DMRT1: variants seen among roughly 807,000 people sequenced by gnomAD.
DMRT1 encodes doublesex and mab-3 related transcription factor 1, also known as doublesex- and mab-3-related transcription factor 1.
Under a neutral mutation model 32.3 loss-of-function variants are expected in DMRT1, and 7 were observed. The ratio of observed to expected loss-of-function variants is 0.22; its 90% CI spans 0.12 to 0.41. The LOEUF (loss-of-function observed/expected upper bound fraction) is 0.41. Among genes scored for constraint, DMRT1 ranks in the 10% least tolerant of loss-of-function variants. DMRT1 has a pLI of 1.00. For synonymous variants in DMRT1, 278 were observed against 206.1 expected (o/e 1.35, Z -2.99); for missense variants, 625 against 500.5 (o/e 1.25, Z -2.37).
In DMRT1 at chr9:841,793, A is replaced by G; in HGVS notation, c.-46A>G. 2 of 1,572,416 alleles carry G rather than the reference A, an allele frequency of 1.3e-6. No individual in the cohort carries two copies. Among genetic ancestry groups the G allele is most frequent in the African/African-American group, 2.7e-5 (2 of 74,120 alleles). ...GGGTTCATCCCTCGCAGCAGTCTCC[A>G]GGCGAGAGAGGGGGCCAGAGTGCTC... On this transcript the variant is annotated 5_prime_UTR_variant, in exon 1 of 5. Coordinates refer to ENST00000382276, the MANE Select transcript of DMRT1 (RefSeq NM_021951.3).
chr9:852,927 T>C (rs1326371390), intron 2 of DMRT1, among the ~76,000 whole-genome samples: 2 of 152,210 alleles, frequency 1.3e-5, no homozygotes, highest in African/African-American at 2.4e-5. Context: ...CACACGCCAG[T>C]TGGGAAACAC....
rs779562277 is a variant in DMRT1, at chr9:916,818, A to T, written c.878A>T (p.Tyr293Phe). The change falls in exon 4 of 5, where the codon TAC becomes TTC. Residue 293 changes from tyrosine to phenylalanine, a missense_variant. Tyr to Phe is a conservative substitution (Grantham distance 22). Transcript: ENST00000382276. ...AMSSQYRMHS[Y>F]YPPPSYLGQS... ...AGCTCCCAGTACAGGATGCATTCTT[A>T]CTACCCGCCTCCCTCTTACCTGGGC... The T allele has an allele frequency of 1.2e-5, 20 of 1,614,200 alleles. No individual in the cohort carries two copies. In the South Asian group the frequency reaches 1.9e-4, roughly 15 times the overall value.
chr9:945,212 G>T (rs1175364927), intron 4 of DMRT1, among the ~76,000 whole-genome samples: 1 of 152,028 alleles, frequency 6.6e-6, no homozygotes, highest in Non-Finnish European at 1.5e-5. Flanking sequence ...GGAGTCCAAT[G>T]GCTCAATCTC....
chr9:889,866 T>C (rs1817072615), intron 2 of DMRT1, among the ~76,000 whole-genome samples: 1 of 152,212 alleles, frequency 6.6e-6, no homozygotes. Context: ...GTGTCTAAAA[T>C]GCCTTCCTAA....
chr9:858,890 T>C (rs1380762622), intron 2 of DMRT1, among the ~76,000 whole-genome samples: 1 of 149,332 alleles, frequency 6.7e-6, no homozygotes, highest in East Asian at 1.9e-4. Context: ...TATATATATA[T>C]ATATTTATCA....
At chr9:866,267 C>T in intron 2 of DMRT1, among the ~76,000 whole-genome samples, 1 of 150,108 alleles carries the variant, frequency 6.7e-6, no homozygotes, top group Non-Finnish European at 1.5e-5. Flanking sequence ...ACAGGTAAAG[C>T]ACCATCAATG....
At chr9:942,735 T>C (rs1159505237) in intron 4 of DMRT1, among the ~76,000 whole-genome samples, 1 of 152,214 alleles carries the variant, frequency 6.6e-6, no homozygotes, top group Non-Finnish European at 1.5e-5. Flanking sequence ...GTTGGTTTTA[T>C]TGGTGATTTC....
At chr9:928,809 T>C (rs1000820183) in intron 4 of DMRT1, among the ~76,000 whole-genome samples, 1 of 151,974 alleles carries the variant, frequency 6.6e-6, no homozygotes, top group African/African-American at 2.4e-5. Flanking sequence ...ACTAAAATTA[T>C]TTGTTTCTGA....
Position 949,607 on chromosome 9 carries a change from C to G in DMRT1, c.968-18378C>G, listed in dbSNP as rs112941298. Among the ~76,000 whole-genome samples, 406 of 152,302 alleles carry G rather than the reference C, an allele frequency of 2.7e-3. 5 individuals are homozygous for G. The highest frequency in any genetic ancestry group is 1.1e-3 in the Non-Finnish European group (78 of 68,034). ...CTTGACATAAGACCTACCCTCTTAG[C>G]AAGTTTTTAAGCATAAAATACAGTA... On this transcript the variant is annotated intron_variant, in intron 4 of 4. Coordinates refer to ENST00000382276, the MANE Select transcript of DMRT1 (RefSeq NM_021951.3).
chr9:866,378 C>G (rs1476551086), intron 2 of DMRT1, among the ~76,000 whole-genome samples: 6 of 152,080 alleles, frequency 3.9e-5, no homozygotes, highest in Admixed American at 3.9e-4. Flanking sequence ...ATATTTCAGA[C>G]CCCTTGACGT....
At chr9:905,639 C>T (rs998401449) in intron 3 of DMRT1, among the ~76,000 whole-genome samples, 6 of 152,100 alleles carry the variant, frequency 3.9e-5, no homozygotes, top group African/African-American at 1.4e-4. Context: ...CATTGCGGTG[C>T]CCCGTTCTCC....
chr9:870,993 C>A (rs897422242), intron 2 of DMRT1, among the ~76,000 whole-genome samples: 5 of 151,618 alleles, frequency 3.3e-5, no homozygotes, highest in Admixed American at 6.6e-5. Context: ...CAGTTGTGAG[C>A]CATTGTGCCC....
intron 4 of DMRT1, among the ~76,000 whole-genome samples, chr9:937,019 C>T (rs981184826): frequency 6.6e-6 from 1 of 152,224 alleles, no homozygotes; most frequent in Non-Finnish European, 1.5e-5. Flanking sequence ...TTCCTCCTGC[C>T]CCTGGTAATC....
chr9:948,954 G>A lies in DMRT1; in HGVS notation c.968-19031G>A, dbSNP rs192270443. The stretch of plus-strand genomic sequence containing the variant: ...ATAATAATAATAATAATAGCCGGGC[G>A]TGGTGGTGGGTGCCTGTACTTCCAG... On this transcript the variant is annotated intron_variant, in intron 4 of 4. Coordinates refer to ENST00000382276, the MANE Select transcript of DMRT1 (RefSeq NM_021951.3). Among the ~76,000 whole-genome samples, 391 of 150,990 alleles carry A rather than the reference G, an allele frequency of 2.6e-3. 1 individual carries two copies. The highest frequency in any genetic ancestry group is 8.9e-3 in the African/African-American group (365 of 41,136).
chr9:874,615 T>A (rs778274311), intron 2 of DMRT1, among the ~76,000 whole-genome samples: 20 of 152,040 alleles, frequency 1.3e-4, no homozygotes, highest in Non-Finnish European at 2.2e-4. Flanking sequence ...TGAAAGGAAT[T>A]TGGAACAAAG....
chr9:869,730 T>A (rs539969543), intron 2 of DMRT1, among the ~76,000 whole-genome samples: 2 of 152,362 alleles, frequency 1.3e-5, no homozygotes, highest in African/African-American at 4.8e-5. Flanking sequence ...CCCGAGAATT[T>A]AATAATCTGT....
At chr9:879,016 GA>G (rs1196499914) in intron 2 of DMRT1, among the ~76,000 whole-genome samples, 1 of 152,122 alleles carries the variant, frequency 6.6e-6, no homozygotes, top group Admixed American at 6.5e-5. Flanking sequence ...TTCATGGAAA[GA>G]AATATTTCAG....
rs192471047 is a variant in DMRT1, at chr9:915,825, C to T, written c.823-938C>T. On this transcript the variant is annotated intron_variant, in intron 3 of 4. Coordinates refer to ENST00000382276, the MANE Select transcript of DMRT1 (RefSeq NM_021951.3). ...TCGGCTCAGTACAAGCTCTGCCTCC[C>T]GGGTTCACGCCATTCTCCTGCCTCA... Among the ~76,000 whole-genome samples the T allele has an allele frequency of 5.5e-4, 83 of 152,072 alleles. No individual in the cohort carries two copies. In the East Asian group the frequency reaches 0.011, roughly 21 times the overall value.
intron 2 of DMRT1, among the ~76,000 whole-genome samples, chr9:856,679 T>G (rs1815415439): frequency 6.6e-6 from 1 of 152,232 alleles, no homozygotes; most frequent in Admixed American, 6.5e-5. Context: ...TTGGCTATTA[T>G]GAGTAATGTT....
Sources: allele counts gnomAD v4.1 joint callset (sites outside exome capture counted in the v4.1 genomes callset), GRCh38; gene constraint gnomAD v4.1.1; transcripts MANE v1.5; gene names NCBI Gene and HGNC (gene_info 2026-07-23, HGNC 2026-07-21).